Variants in SYT1 observed in about 807,000 individuals in gnomAD.
SYT1 encodes the protein synaptotagmin-1.
SYT1 carries 8 observed loss-of-function variants against 44.8 expected under a neutral mutation model. That is an observed-to-expected ratio of 0.18 (90% CI 0.10 to 0.32). SYT1 has a LOEUF of 0.32. SYT1 is among the 10% of genes least tolerant of loss of function. SYT1 has a pLI of 1.00. For missense variants in SYT1, 286 were observed against 509.3 expected (o/e 0.56, Z 4.22); for synonymous variants, 154 against 188.8 (o/e 0.82, Z 1.51).
At chr12:78,990,512 G>C (rs1447521366) in intron 2 of SYT1, among the ~76,000 whole-genome samples, 1 of 152,098 alleles carries the variant, frequency 6.6e-6, no homozygotes, top group Non-Finnish European at 1.5e-5. Flanking sequence ...GACAATGCGA[G>C]TTGATATCTA....
intron 4 of SYT1, among the ~76,000 whole-genome samples, chr12:79,257,771 G>A (rs1877610557): frequency 6.6e-6 from 1 of 152,216 alleles, no homozygotes; most frequent in Admixed American, 6.5e-5. Context: ...ACAGGCGTGA[G>A]CCACCGCGCG....
intron 3 of SYT1, among the ~76,000 whole-genome samples, chr12:79,119,893 G>A (rs1169648839): frequency 6.6e-6 from 1 of 151,958 alleles, no homozygotes; most frequent in Non-Finnish European, 1.5e-5. Context: ...AGGCACAGAT[G>A]GGAAAAATAT....
At chr12:78,953,629 A>T (rs112101350) in intron 1 of SYT1, among the ~76,000 whole-genome samples, 12 of 152,214 alleles carry the variant, frequency 7.9e-5, no homozygotes, top group African/African-American at 2.9e-4. Flanking sequence ...AGCAAACACA[A>T]TTTTTTGTAA....
intron 3 of SYT1, among the ~76,000 whole-genome samples, chr12:79,064,279 A>G (rs1875602633): frequency 1.3e-5 from 2 of 152,172 alleles, no homozygotes; most frequent in South Asian, 4.1e-4. Context: ...GGAAAGAAGA[A>G]AGCCTGGCCC....
chr12:79,020,535 A>C (rs1040883634), intron 2 of SYT1, among the ~76,000 whole-genome samples: 5 of 151,970 alleles, frequency 3.3e-5, no homozygotes, highest in Non-Finnish European at 7.4e-5. Flanking sequence ...ACAACAACAA[A>C]AAAAGTATGT....
At chr12:79,291,951 A>T in intron 5 of SYT1, 57 bp from the exon 6 acceptor site, 2 of 1,607,828 alleles carry the variant, frequency 1.2e-6, no homozygotes, top group Non-Finnish European at 1.7e-6. Flanking sequence ...GGCCCAGTTC[A>T]ATTTGAGTTT....
At chr12:79,370,937 C>T (rs2136048550) in intron 9 of SYT1, among the ~76,000 whole-genome samples, 1 of 152,128 alleles carries the variant, frequency 6.6e-6, no homozygotes, top group South Asian at 2.1e-4. Flanking sequence ...AACATCAGCC[C>T]ATGGAAGAGC....
intron 4 of SYT1, among the ~76,000 whole-genome samples, chr12:79,247,415 A>G (rs1711931326): frequency 6.6e-6 from 1 of 152,192 alleles, no homozygotes; most frequent in Non-Finnish European, 1.5e-5. Flanking sequence ...TTCTTGGCCT[A>G]GAATTAACAT....
chr12:79,026,986 CAG>C (rs1308824097), intron 2 of SYT1, among the ~76,000 whole-genome samples: 3 of 151,584 alleles, frequency 2.0e-5, no homozygotes, highest in African/African-American at 4.8e-5. Context: ...TTATAGAAAA[CAG>C]TGTGGAGGTT....
chr12:79,035,949 C>CAAAAAAAAAAAAAAAAA (rs5799409), intron 2 of SYT1, among the ~76,000 whole-genome samples: 1 of 128,296 alleles, frequency 7.8e-6, no homozygotes, highest in Non-Finnish European at 1.7e-5. Flanking sequence ...AACAAACAAA[C>CAAAAAAAAAAAAAAAAA]AAAAAAAAAA....
chr12:79,390,618 G>A (rs927056671), intron 9 of SYT1, among the ~76,000 whole-genome samples: 5 of 152,078 alleles, frequency 3.3e-5, no homozygotes, highest in African/African-American at 1.2e-4. Flanking sequence ...CATGGAAAAT[G>A]AGGGTTTAGC....
At chr12:79,223,388 C>T (rs1875292381) in intron 4 of SYT1, among the ~76,000 whole-genome samples, 1 of 152,136 alleles carries the variant, frequency 6.6e-6, no homozygotes, top group Admixed American at 6.6e-5. Flanking sequence ...GGCAAGAAGC[C>T]TGAGGCAGAT....
intron 8 of SYT1, among the ~76,000 whole-genome samples, chr12:79,326,023 A>G (rs1056324606): frequency 1.3e-5 from 2 of 152,234 alleles, no homozygotes; most frequent in African/African-American, 4.8e-5. Context: ...GGGGGAAAAT[A>G]TACAAAGCTT....
intron 9 of SYT1, among the ~76,000 whole-genome samples, chr12:79,434,413 T>G (rs1869970847): frequency 6.6e-6 from 1 of 152,258 alleles, no homozygotes; most frequent in South Asian, 2.1e-4. Flanking sequence ...AATGCTTTAA[T>G]GTAGTCTTCT....
chr12:78,905,302 C>T (rs1159752073), intron 1 of SYT1, among the ~76,000 whole-genome samples: 1 of 152,150 alleles, frequency 6.6e-6, no homozygotes, highest in East Asian at 1.9e-4. Context: ...TACCTACACA[C>T]TTCCACATAA....
chr12:79,371,474 G>A (rs1339666759), intron 9 of SYT1, among the ~76,000 whole-genome samples: 2 of 152,152 alleles, frequency 1.3e-5, no homozygotes, highest in Non-Finnish European at 2.9e-5. Context: ...GCAAATCCCT[G>A]CGACTTCATA....
At chr12:79,137,164 C>T (rs146220530) in intron 3 of SYT1, among the ~76,000 whole-genome samples, 9 of 151,822 alleles carry the variant, frequency 5.9e-5, no homozygotes, top group African/African-American at 1.9e-4. Flanking sequence ...GGTGCAATCT[C>T]GGCTCACTGC....
chr12:78,906,368 G>A (rs184675501), intron 1 of SYT1, among the ~76,000 whole-genome samples: 1 of 152,214 alleles, frequency 6.6e-6, no homozygotes, highest in East Asian at 1.9e-4. Flanking sequence ...GTGAGTACCT[G>A]CCAAGTACCT....
intron 2 of SYT1, among the ~76,000 whole-genome samples, chr12:79,001,087 C>G (rs1180633223): frequency 1.3e-5 from 2 of 152,068 alleles, no homozygotes; most frequent in Non-Finnish European, 2.9e-5. Flanking sequence ...ATATACTATT[C>G]TAGTGTAAAA....
Sources: allele counts gnomAD v4.1 joint callset (sites outside exome capture counted in the v4.1 genomes callset), GRCh38; gene constraint gnomAD v4.1.1; transcripts MANE v1.5; gene names NCBI Gene and HGNC (gene_info 2026-07-23, HGNC 2026-07-21).